SERAC1: variants seen among roughly 807,000 people sequenced by gnomAD.
SERAC1 encodes serine active site containing 1.
A neutral mutation model predicts 85.7 loss-of-function variants in SERAC1; 36 were observed. That is an observed-to-expected ratio of 0.42 (90% CI 0.32 to 0.55). SERAC1 has a LOEUF of 0.55. SERAC1 is among the 20% of genes least tolerant of loss of function. The pLI is 0.11. For missense variants in SERAC1, 629 were observed against 796.2 expected (o/e 0.79, Z 2.53); for synonymous variants, 242 against 265.3 (o/e 0.91, Z 0.85).
At chr6:158,167,196 T>C (rs749306818) in intron 1 of SERAC1, among the ~76,000 whole-genome samples, 1 of 144,238 alleles carries the variant, frequency 6.9e-6, no homozygotes, top group Non-Finnish European at 1.5e-5. Context: ...CTGGGTTCCT[T>C]AGCGATCACA....
intron 8 of SERAC1, among the ~76,000 whole-genome samples, chr6:158,140,561 A>AT (rs1468294592): frequency 1.3e-5 from 2 of 152,186 alleles, no homozygotes; most frequent in African/African-American, 4.8e-5. Context: ...AACGGTAAGC[A>AT]TAAGTAAGGT....
intron 7 of SERAC1, among the ~76,000 whole-genome samples, chr6:158,143,815 T>G (rs1784987876): frequency 6.6e-6 from 1 of 152,160 alleles, no homozygotes; most frequent in Non-Finnish European, 1.5e-5. Flanking sequence ...AACCAGGGCC[T>G]GTTTTGCCCC....
intron 2 of SERAC1, among the ~76,000 whole-genome samples, chr6:158,156,127 C>T (rs900050280): frequency 1.3e-5 from 2 of 152,046 alleles, no homozygotes; most frequent in Admixed American, 6.5e-5. Context: ...CCAGCCTGGT[C>T]GACAGAGCAA....
intron 10 of SERAC1, among the ~76,000 whole-genome samples, chr6:158,124,821 G>GA (rs1468079672): frequency 1.3e-5 from 2 of 150,264 alleles, no homozygotes; most frequent in African/African-American, 4.9e-5. Flanking sequence ...TTTATCCAGG[G>GA]AAGATACCTT....
intron 8 of SERAC1, among the ~76,000 whole-genome samples, chr6:158,141,150 G>A (rs1477619171): frequency 6.6e-6 from 1 of 152,234 alleles, no homozygotes; most frequent in Non-Finnish European, 1.5e-5. Context: ...CAGTGTGGCT[G>A]AGCCTTGAAA....
At chr6:158,124,062 G>A (rs916460350) in intron 10 of SERAC1, among the ~76,000 whole-genome samples, 2 of 152,204 alleles carry the variant, frequency 1.3e-5, no homozygotes, top group African/African-American at 2.4e-5. Context: ...GAAGGTCATG[G>A]AATTGAGGCC....
At chr6:158,141,565 T>C (rs1784916114) in intron 8 of SERAC1, among the ~76,000 whole-genome samples, 1 of 152,222 alleles carries the variant, frequency 6.6e-6, no homozygotes, top group South Asian at 2.1e-4. Context: ...TCTACCTTCA[T>C]GAAGAACTAC....
At chr6:158,153,747 T>C (rs567549356) in intron 3 of SERAC1, among the ~76,000 whole-genome samples, 3 of 152,314 alleles carry the variant, frequency 2.0e-5, no homozygotes, top group Admixed American at 6.5e-5. Flanking sequence ...CACCTTCTTC[T>C]GACCTTTGGT....
intron 9 of SERAC1, 65 bp from the exon 10 acceptor site, chr6:158,128,335 G>C: frequency 6.5e-7 from 1 of 1,535,022 alleles, no homozygotes; most frequent in Non-Finnish European, 8.9e-7. Context: ...AGATGACACA[G>C]CCTGGTCATG....
intron 9 of SERAC1, among the ~76,000 whole-genome samples, chr6:158,128,660 C>A (rs139466137): frequency 6.6e-6 from 1 of 152,162 alleles, no homozygotes; most frequent in African/African-American, 2.4e-5. Flanking sequence ...AGGAAATAGT[C>A]CCCTGTGCAA....
intron 8 of SERAC1, among the ~76,000 whole-genome samples, chr6:158,138,530 A>G (rs1784847891): frequency 6.6e-6 from 1 of 152,082 alleles, no homozygotes; most frequent in African/African-American, 2.4e-5. Flanking sequence ...ACACTACAGA[A>G]GGTAGAGGAA....
chr6:158,123,866 A>C (rs1050877406), intron 10 of SERAC1, among the ~76,000 whole-genome samples: 5 of 152,226 alleles, frequency 3.3e-5, no homozygotes, highest in African/African-American at 1.2e-4. Flanking sequence ...TGTGGATAGA[A>C]GATTTCAATA....
Position 158,136,782 on chromosome 6 carries a change from C to T in SERAC1, c.738+6274G>A, listed in dbSNP as rs117986388. On this transcript the variant is annotated intron_variant, in intron 8 of 16. Transcript: ENST00000647468. ...ACAAACCAGATGGACTCTCTCCACCCACCATGTCAGCACCCCCAGCTTCCT... is the reference window on the plus strand; with the variant it reads ...ACAAACCAGATGGACTCTCTCCACCTACCATGTCAGCACCCCCAGCTTCCT... Among the ~76,000 whole-genome samples the T allele has an allele frequency of 4.8e-3, 724 of 152,272 alleles. 5 individuals carry two copies. The highest frequency in any genetic ancestry group is 0.014 in the South Asian group (68 of 4,828).
intron 8 of SERAC1, among the ~76,000 whole-genome samples, chr6:158,134,360 G>A (rs1562444665): frequency 6.6e-6 from 1 of 152,168 alleles, no homozygotes; most frequent in Non-Finnish European, 1.5e-5. Flanking sequence ...AACCAAGCCT[G>A]CTTAAAAAAT....
At chr6:158,116,323 G>A (rs148487638) in intron 13 of SERAC1, 41 bp from the exon 14 acceptor site, 9 of 1,501,530 alleles carry the variant, frequency 6.0e-6, no homozygotes, top group East Asian at 4.5e-5. Context: ...CAAGGCTATC[G>A]ATCCCCTCAA....
intron 10 of SERAC1, among the ~76,000 whole-genome samples, chr6:158,125,611 C>T (rs1784521726): frequency 6.6e-6 from 1 of 152,160 alleles, no homozygotes; most frequent in Admixed American, 6.5e-5. Context: ...AACATATACT[C>T]CCAGCTACTC....
At chr6:158,150,313 G>T in intron 4 of SERAC1, 140 bp downstream of exon 4, 1 of 597,280 alleles carries the variant, frequency 1.7e-6, no homozygotes, top group South Asian at 3.3e-5. Flanking sequence ...AATTCTTCAG[G>T]AACTTGGTTT....
intron 4 of SERAC1, among the ~76,000 whole-genome samples, chr6:158,149,705 T>C (rs1259882281): frequency 6.6e-6 from 1 of 152,178 alleles, no homozygotes; most frequent in East Asian, 1.9e-4. Flanking sequence ...CATAAAAGCA[T>C]GTTGAAATAC....
chr6:158,134,301 G>A (rs1445484314), intron 8 of SERAC1, among the ~76,000 whole-genome samples: 4 of 152,256 alleles, frequency 2.6e-5, no homozygotes, highest in African/African-American at 9.6e-5. Flanking sequence ...GCAGCAATGA[G>A]CTTACCTAGC....
Sources: allele counts gnomAD v4.1 joint callset (sites outside exome capture counted in the v4.1 genomes callset), GRCh38; gene constraint gnomAD v4.1.1; transcripts MANE v1.5; gene names NCBI Gene and HGNC (gene_info 2026-07-23, HGNC 2026-07-21).